DYRK1A: variants seen among roughly 807,000 people sequenced by gnomAD.
DYRK1A encodes the protein dual specificity tyrosine phosphorylation regulated kinase 1A.
A neutral mutation model predicts 79.7 loss-of-function variants in DYRK1A; 9 were observed. That is an observed-to-expected ratio of 0.11 (90% CI 0.07 to 0.20). The LOEUF (loss-of-function observed/expected upper bound fraction) is 0.20, where lower values mean the gene tolerates loss of function less well. Among genes scored for constraint, DYRK1A ranks in the 10% least tolerant of loss-of-function variants. DYRK1A has a pLI of 1.00. For missense variants in DYRK1A, 622 were observed against 956.0 expected, an observed-to-expected ratio of 0.65 and a Z score of 4.61; for synonymous variants, 349 against 329.7, an observed-to-expected ratio of 1.06 and a Z score of -0.63.
intron 2 of DYRK1A, among the ~76,000 whole-genome samples, chr21:37,446,494 A>G (rs1000380395): frequency 6.6e-6 from 1 of 152,228 alleles, no homozygotes; most frequent in Non-Finnish European, 1.5e-5. Context: ...AAAGTAGTTA[A>G]TGGGAAAATT....
Position 37,472,766 on chromosome 21 carries a change from T to C in DYRK1A, c.93T>C (p.Ala31=), listed in dbSNP as rs776043893. 3 of 1,613,370 alleles carry C rather than the reference T, an allele frequency of 1.9e-6. No homozygotes were observed. The African/African-American group carries it at 4.0e-5, about 21-fold the overall frequency. The change falls in exon 3 of 12, where the codon GCT becomes GCC. Residue 31 remains alanine, a synonymous_variant. Transcript: ENST00000647188. ...FSFHAAGLQM[A]GQMPHSHQYS... is the part of the protein sequence containing the mutation. ...TCCATGCTGCTGGCCTTCAGATGGC[T>C]GGACAGATGCCCCATTCACATCAGT...
At chr21:37,431,160 A>G (rs916409728) in intron 2 of DYRK1A, among the ~76,000 whole-genome samples, 1 of 152,174 alleles carries the variant, frequency 6.6e-6, no homozygotes, top group African/African-American at 2.4e-5. Context: ...GATAAGAACA[A>G]TATGTTTACT....
intron 1 of DYRK1A, among the ~76,000 whole-genome samples, chr21:37,410,216 A>T (rs73216441): frequency 6.6e-6 from 1 of 152,146 alleles, no homozygotes; most frequent in Non-Finnish European, 1.5e-5. Flanking sequence ...GAGAAGAGAG[A>T]TGGAAAATCT....
chr21:37,468,011 T>C (rs1423646678), intron 2 of DYRK1A, among the ~76,000 whole-genome samples: 1 of 152,200 alleles, frequency 6.6e-6, no homozygotes, highest in East Asian at 1.9e-4. Context: ...CACCATTCTA[T>C]AGAGATCAAT....
intron 2 of DYRK1A, among the ~76,000 whole-genome samples, chr21:37,466,462 A>G (rs962096633): frequency 2.0e-5 from 3 of 152,244 alleles, no homozygotes; most frequent in African/African-American, 7.2e-5. Flanking sequence ...GTTGGAACAA[A>G]TAGATTGTTA....
intron 2 of DYRK1A, among the ~76,000 whole-genome samples, chr21:37,431,784 G>A (rs1602485015): frequency 6.6e-6 from 1 of 152,296 alleles, no homozygotes; most frequent in South Asian, 2.1e-4. Context: ...TATGTAGTTT[G>A]TATAGATGTA....
At chr21:37,467,350 C>T (rs2052066018) in intron 2 of DYRK1A, among the ~76,000 whole-genome samples, 1 of 152,198 alleles carries the variant, frequency 6.6e-6, no homozygotes, top group Non-Finnish European at 1.5e-5. Context: ...TAACCTCAGC[C>T]TCCTGAGTAA....
intron 2 of DYRK1A, among the ~76,000 whole-genome samples, chr21:37,468,172 C>T (rs1470953580): frequency 6.6e-6 from 1 of 152,068 alleles, no homozygotes; most frequent in Non-Finnish European, 1.5e-5. Context: ...CATACAGTGG[C>T]ACAATCATAA....
chr21:37,465,873 C>T (rs1397927672), intron 2 of DYRK1A, among the ~76,000 whole-genome samples: 4 of 152,074 alleles, frequency 2.6e-5, no homozygotes, highest in Admixed American at 1.3e-4. Flanking sequence ...TCAAGCTCTA[C>T]TGAATCAGAA....
intron 3 of DYRK1A, 119 bp from the exon 4 acceptor site, chr21:37,478,089 T>C (rs1226492475): frequency 3.0e-6 from 4 of 1,350,138 alleles, no homozygotes; most frequent in Non-Finnish European, 4.1e-6. Context: ...ATCTAATGTG[T>C]AGCTGTCTTT....
chr21:37,405,465 C>T (rs534272504), intron 1 of DYRK1A, among the ~76,000 whole-genome samples: 5 of 152,178 alleles, frequency 3.3e-5, no homozygotes, highest in South Asian at 4.1e-4. Flanking sequence ...TGACTCCTTC[C>T]GTCTTTCATT....
intron 11 of DYRK1A, among the ~76,000 whole-genome samples, chr21:37,507,982 A>G (rs2053645429): frequency 6.6e-6 from 1 of 151,962 alleles, no homozygotes; most frequent in Non-Finnish European, 1.5e-5. Context: ...CATCATTTTC[A>G]CTTCCTTCCC....
chr21:37,432,431 GT>G (rs2050801971), intron 2 of DYRK1A, among the ~76,000 whole-genome samples: 1 of 152,118 alleles, frequency 6.6e-6, no homozygotes, highest in Non-Finnish European at 1.5e-5. Context: ...TTGGCTTAAC[GT>G]TTTTATGAAA....
chr21:37,507,903 A>G (rs149716860), intron 11 of DYRK1A, among the ~76,000 whole-genome samples: 94 of 152,180 alleles, frequency 6.2e-4, no homozygotes, highest in African/African-American at 1.9e-3. Flanking sequence ...GGGCCTTTCT[A>G]ATTGTTTACT....
At chr21:37,425,346 A>G (rs1049557917) in intron 2 of DYRK1A, among the ~76,000 whole-genome samples, 1 of 152,182 alleles carries the variant, frequency 6.6e-6, no homozygotes, top group African/African-American at 2.4e-5. Flanking sequence ...CATTTCTTCA[A>G]GTGGTTTTAA....
At chr21:37,460,236 G>T (rs1028624531) in intron 2 of DYRK1A, among the ~76,000 whole-genome samples, 1 of 151,946 alleles carries the variant, frequency 6.6e-6, no homozygotes, top group Admixed American at 6.6e-5. Context: ...GCAACATGTT[G>T]AGAATCTTTT....
At chr21:37,447,680 C>G (rs141506055) in intron 2 of DYRK1A, among the ~76,000 whole-genome samples, 27 of 152,270 alleles carry the variant, frequency 1.8e-4, no homozygotes, top group African/African-American at 5.1e-4. Flanking sequence ...ATTATACTCA[C>G]GGCCATGGTG....
chr21:37,414,566 C>G (rs2050301755), intron 1 of DYRK1A, among the ~76,000 whole-genome samples: 1 of 152,036 alleles, frequency 6.6e-6, no homozygotes, highest in African/African-American at 2.4e-5. Flanking sequence ...GTCTTCTGGG[C>G]CTGGAACAAG....
At position 37,525,981 on chromosome 21, in the gene DYRK1A, A is replaced by T. The variant is rs183126322; in HGVS notation, c.*13450A>T. On this transcript the variant is annotated 3_prime_UTR_variant, in exon 12 of 12. Transcript: ENST00000647188. The stretch of plus-strand genomic sequence containing the variant: ...GTGTTTCTTAAGGAATTCAGCCTAA[A>T]CCACAAGATAAAAACAGTGTTTATG... The T allele has an allele frequency of 1.3e-5, 2 of 152,372 alleles. No homozygotes were observed. Among genetic ancestry groups the T allele is most frequent in the East Asian group, 3.9e-4 (2 of 5,190 alleles). The allele number at this position is 152,372 out of a possible 1,614,324, so 9.4% of individuals were successfully genotyped here. A position where few individuals can be genotyped will look rare whatever the true frequency, so the allele number is the denominator to read the frequency against.
Sources: allele counts gnomAD v4.1 joint callset (sites outside exome capture counted in the v4.1 genomes callset), GRCh38; gene constraint gnomAD v4.1.1; transcripts MANE v1.5; gene names NCBI Gene and HGNC (gene_info 2026-07-23, HGNC 2026-07-21).